The following COL13A1 variants were observed in gnomAD, a reference collection of about 807,000 sequenced individuals.
COL13A1 encodes collagen alpha-1(XIII) chain.
A neutral mutation model predicts 130.9 loss-of-function variants in COL13A1; 89 were observed. That is an observed-to-expected ratio of 0.68 (90% confidence interval 0.57 to 0.81). The LOEUF (loss-of-function observed/expected upper bound fraction) is 0.81. COL13A1 is among the 30% of genes least tolerant of loss of function. The probability of loss-of-function intolerance (pLI) is 0.00; values close to 1 mark genes in which losing one functional copy is unlikely to be tolerated. For missense variants in COL13A1, 879 were observed against 934.6 expected, an observed-to-expected ratio of 0.94 and a Z score of 0.78; for synonymous variants, 402 against 341.6, an observed-to-expected ratio of 1.18 and a Z score of -1.95.
intron 1 of COL13A1, among the ~76,000 whole-genome samples, chr10:69,810,381 A>ATGCTGTTGTTTTC (rs1842730572): frequency 6.7e-6 from 1 of 148,838 alleles, no homozygotes; most frequent in African/African-American, 2.5e-5. Flanking sequence ...AGAGAGAGAG[A>ATGCTGTTGTTTTC]CAGAGAGTCT....
chr10:69,843,536 G>C (rs1320391772), intron 2 of COL13A1, among the ~76,000 whole-genome samples: 2 of 152,188 alleles, frequency 1.3e-5, no homozygotes, highest in Admixed American at 6.5e-5. Context: ...AAGTGTTCCT[G>C]TGGCTAGTGG....
In COL13A1 at chr10:69,945,761, C is replaced by T. The variant is rs748433416; in HGVS notation, c.2022+37C>T. 2.5e-6 allele frequency: 4 copies of T among 1,592,544 alleles called. No homozygotes were observed. The African/African-American group carries it at 5.4e-5, about 21-fold the overall frequency. On this transcript the variant is annotated intron_variant, in intron 37 of 40. Coordinates refer to ENST00000645393, the MANE Select transcript of COL13A1 (RefSeq NM_001368882.1). ...GGGATCAGAGGTTCCTCTCCTCCCA[C>T]CCCTGCCCCCATTAGAAATACCCAC...
chr10:69,937,797 G>A, intron 34 of COL13A1, 82 bp downstream of exon 34: 1 of 721,132 alleles, frequency 1.4e-6, no homozygotes, highest in South Asian at 1.6e-5. Flanking sequence ...CCAGCGGAAA[G>A]CTAAGGTTCT....
intron 2 of COL13A1, among the ~76,000 whole-genome samples, chr10:69,848,802 T>C (rs577663030): frequency 3.8e-4 from 57 of 151,948 alleles, no homozygotes; most frequent in Non-Finnish European, 7.8e-4. Context: ...GCCAAGGGGG[T>C]CACTTAAGGA....
intron 5 of COL13A1, among the ~76,000 whole-genome samples, chr10:69,876,940 C>T (rs746637060): frequency 1.1e-4 from 17 of 152,296 alleles, no homozygotes; most frequent in South Asian, 2.1e-4. Flanking sequence ...CCGTCCTGTC[C>T]GTCCTGTCCT....
At chr10:69,864,860 C>A (rs1336543585) in intron 2 of COL13A1, among the ~76,000 whole-genome samples, 1 of 152,170 alleles carries the variant, frequency 6.6e-6, no homozygotes, top group South Asian at 2.1e-4. Context: ...AATGTCCCCA[C>A]CCTGGATGGC....
At chr10:69,941,631 T>C (rs1589673918) in intron 35 of COL13A1, among the ~76,000 whole-genome samples, 1 of 152,202 alleles carries the variant, frequency 6.6e-6, no homozygotes, top group South Asian at 2.1e-4. Context: ...CAACCCAACA[T>C]GGCAGTTCAC....
intron 1 of COL13A1, among the ~76,000 whole-genome samples, chr10:69,805,017 G>A (rs750965821): frequency 1.3e-4 from 20 of 152,092 alleles, no homozygotes; most frequent in Non-Finnish European, 2.9e-4. Flanking sequence ...TGTTCTAAGG[G>A]GACAAACGGA....
chr10:69,815,247 A>G (rs1260316924), intron 1 of COL13A1, among the ~76,000 whole-genome samples: 1 of 152,238 alleles, frequency 6.6e-6, no homozygotes, highest in Admixed American at 6.5e-5. Context: ...GGACGTTTTA[A>G]GAGCCCTGAG....
chr10:69,848,244 G>C (rs1193498331), intron 2 of COL13A1, among the ~76,000 whole-genome samples: 1 of 152,200 alleles, frequency 6.6e-6, no homozygotes, highest in African/African-American at 2.4e-5. Flanking sequence ...GGTTGCTGGC[G>C]AAGTGTGAGC....
rs571075534 is a variant in COL13A1 at position 69,911,357 on chromosome 10, T to G, written c.921+5535T>G. Among the ~76,000 whole-genome samples the G allele has an allele frequency of 4.6e-5, 7 of 152,384 alleles. No individual in the cohort carries two copies. The South Asian group carries it at 8.3e-4, about 18-fold the overall frequency. On this transcript the variant is annotated intron_variant, in intron 17 of 40. Transcript: ENST00000645393. Reference sequence around the variant, plus strand: ...ACAAGCCAGGCTGTGTACTAGGCACTTTGCATGCATCAACTTATTGAATCC... The same window carrying G: ...ACAAGCCAGGCTGTGTACTAGGCACGTTGCATGCATCAACTTATTGAATCC...
At chr10:69,880,639 C>A in intron 7 of COL13A1, 86 bp downstream of exon 7, 1 of 1,430,724 alleles carries the variant, frequency 7.0e-7, no homozygotes, top group Non-Finnish European at 9.7e-7. Flanking sequence ...GAGGGGACAG[C>A]GAGGGCGGCT....
intron 28 of COL13A1, 61 bp from the exon 29 acceptor site, chr10:69,929,982 C>A: frequency 6.8e-7 from 1 of 1,463,284 alleles, no homozygotes; most frequent in South Asian, 1.1e-5. Context: ...CTAAGCAATG[C>A]GTAACTGATG....
At chr10:69,841,802 G>A (rs994411066) in intron 2 of COL13A1, among the ~76,000 whole-genome samples, 23 of 152,218 alleles carry the variant, frequency 1.5e-4, no homozygotes, top group African/African-American at 5.3e-4. Context: ...CCAGGCAAGG[G>A]AACAGCAAGG....
intron 40 of COL13A1, 87 bp from the exon 41 acceptor site, chr10:69,958,612 C>A: frequency 6.2e-7 from 1 of 1,605,064 alleles, no homozygotes; most frequent in Non-Finnish European, 8.5e-7. Flanking sequence ...CAACCCAGGA[C>A]AAGATTTACC....
At chr10:69,933,849 C>T (rs3858162) in intron 31 of COL13A1, among the ~76,000 whole-genome samples, 2,279 of 152,240 alleles carry the variant, frequency 0.015, 39 homozygotes, top group Admixed American at 0.045. Flanking sequence ...GCACTTCCCT[C>T]GTGCCAAGCA....
At position 69,802,475 on chromosome 10, in the gene COL13A1, G is replaced by A; in HGVS notation, c.52G>A (p.Gly18Arg). 1 of 1,518,518 alleles carries A rather than the reference G, an allele frequency of 6.6e-7. No homozygotes were observed. Among genetic ancestry groups the A allele is most frequent in the Non-Finnish European group, 8.8e-7 (1 of 1,136,638 alleles). 94.1% of individuals were successfully genotyped at this position (1,518,518 alleles called of 1,614,324 possible). ...KAAATGARGP[G>R]ELGAPGTVAL... The stretch of plus-strand genomic sequence containing the variant: ...GGCAGCCACCGGTGCCCGCGGCCCT[G>A]GGGAGTTGGGCGCGCCCGGGACGGT... Residue 18 changes from glycine (G) to arginine (R), a missense_variant, in exon 1 of 41, where the codon GGG becomes AGG. This residue lies in a region of COL13A1 where 715 missense variants were observed against 721.0 expected (regional missense o/e 0.99). Transcript: ENST00000645393.
intron 29 of COL13A1, 65 bp from the exon 30 acceptor site, chr10:69,930,335 C>G: frequency 1.4e-6 from 2 of 1,451,634 alleles, no homozygotes; most frequent in Non-Finnish European, 1.9e-6. Context: ...CTTTTCTACT[C>G]TCTCTCCCTC....
intron 29 of COL13A1, 116 bp from the exon 30 acceptor site, chr10:69,930,284 T>C: frequency 8.7e-7 from 1 of 1,147,900 alleles, no homozygotes; most frequent in Non-Finnish European, 1.2e-6. Context: ...GGGCTGTCTC[T>C]GCCTGCCCCA....
Sources: gnomAD v4.1 joint callset for allele counts (sites outside exome capture counted in the v4.1 genomes callset) on GRCh38, gnomAD v4.1.1 for gene constraint, gnomAD v4.1.1 regional missense constraint, MANE v1.5 for transcripts, NCBI Gene and HGNC (gene_info 2026-07-23, HGNC 2026-07-21) for gene names.